Variants in RANBP3 observed in about 807,000 individuals in gnomAD.
RANBP3 encodes the protein ran-binding protein 3.
Under a neutral mutation model 77.3 loss-of-function variants are expected in RANBP3, and 14 were observed. The observed-to-expected ratio is 0.18, with a 90% confidence interval of 0.12 to 0.28. The LOEUF (loss-of-function observed/expected upper bound fraction) is 0.28, where lower values mean the gene tolerates loss of function less well. Ranked by LOEUF, RANBP3 falls within the 10% of genes least tolerant of loss-of-function variation. The pLI is 1.00. For missense variants in RANBP3, 586 were observed against 752.3 expected (o/e 0.78, Z 2.59); for synonymous variants, 315 against 312.4 (o/e 1.01, Z -0.09).
intron 5 of RANBP3, among the ~76,000 whole-genome samples, 194 bp downstream of exon 5, chr19:5,941,427 T>G (rs991793282): frequency 6.6e-6 from 1 of 152,142 alleles, no homozygotes; most frequent in South Asian, 2.1e-4. Context: ...TCAGTGTCAC[T>G]GATTCGAGAC....
chr19:5,957,831 T>C, intron 2 of RANBP3, 87 bp downstream of exon 2: 2 of 1,459,320 alleles, frequency 1.4e-6, no homozygotes, highest in Non-Finnish European at 1.9e-6. Context: ...GAAGTGGCCT[T>C]GGCAATGCGA....
At chr19:5,949,142 T>A (rs754400851) in intron 3 of RANBP3, among the ~76,000 whole-genome samples, 1 of 152,160 alleles carries the variant, frequency 6.6e-6, no homozygotes, top group South Asian at 2.1e-4. Context: ...ACAGACTAGA[T>A]GTGACGGATG....
chr19:5,926,170 G>C (rs2057906697), intron 9 of RANBP3, among the ~76,000 whole-genome samples: 1 of 152,122 alleles, frequency 6.6e-6, no homozygotes, highest in Non-Finnish European at 1.5e-5. Flanking sequence ...TGCACGATCT[G>C]CTTTAATCCT....
chr19:5,977,595 G>C (rs966386804), intron 1 of RANBP3, among the ~76,000 whole-genome samples: 1 of 152,040 alleles, frequency 6.6e-6, no homozygotes, highest in Non-Finnish European at 1.5e-5. Flanking sequence ...CGCGGAGGAC[G>C]AGGGCCTCAC....
intron 1 of RANBP3, among the ~76,000 whole-genome samples, chr19:5,976,101 C>A (rs554389480): frequency 6.6e-6 from 1 of 152,114 alleles, no homozygotes; most frequent in South Asian, 2.1e-4. Flanking sequence ...ATTTGCTGTG[C>A]AGTATGAGAA....
chr19:5,949,859 G>A (rs957837881), intron 3 of RANBP3, among the ~76,000 whole-genome samples: 7 of 152,280 alleles, frequency 4.6e-5, no homozygotes, highest in African/African-American at 1.4e-4. Context: ...ACAGAACAGC[G>A]CGTGTGCTCT....
intron 5 of RANBP3, chr19:5,934,401 G>C (rs765669269): frequency 6.6e-6 from 1 of 152,238 alleles, no homozygotes; most frequent in Non-Finnish European, 1.5e-5. Flanking sequence ...CAGGACACAA[G>C]ATCAATATAC....
At chr19:5,936,801 G>A (rs1384750632) in intron 5 of RANBP3, among the ~76,000 whole-genome samples, 1 of 152,042 alleles carries the variant, frequency 6.6e-6, no homozygotes, top group Non-Finnish European at 1.5e-5. Flanking sequence ...ACAGAAGCTC[G>A]CCTGTCTATG....
chr19:5,949,823 G>A (rs947622602), intron 3 of RANBP3, among the ~76,000 whole-genome samples: 2 of 152,268 alleles, frequency 1.3e-5, no homozygotes, highest in South Asian at 2.1e-4. Context: ...ACTCCAACAT[G>A]GGCCTCTGTG....
chr19:5,942,566 C>A (rs1298266207), intron 3 of RANBP3, among the ~76,000 whole-genome samples: 1 of 151,924 alleles, frequency 6.6e-6, no homozygotes, highest in Admixed American at 6.5e-5. Flanking sequence ...AGTAGCTGGG[C>A]GTGGTGGTGC....
chr19:5,953,440 G>A (rs1905274457), intron 2 of RANBP3, among the ~76,000 whole-genome samples: 2 of 152,128 alleles, frequency 1.3e-5, no homozygotes, highest in Admixed American at 6.5e-5. Context: ...AGCCTCAAAA[G>A]CAGGTCTAAA....
At chr19:5,971,787 G>T (rs1275996815) in intron 1 of RANBP3, among the ~76,000 whole-genome samples, 1 of 152,204 alleles carries the variant, frequency 6.6e-6, no homozygotes, top group Non-Finnish European at 1.5e-5. Flanking sequence ...TGTAGAGAAT[G>T]CAGAGTCTAG....
intron 10 of RANBP3, 150 bp downstream of exon 10, chr19:5,925,484 C>T (rs1170767460): frequency 1.8e-5 from 12 of 678,934 alleles, no homozygotes; most frequent in African/African-American, 1.1e-4. Context: ...AAGGTTGTGC[C>T]CAGAGTGGGG....
rs924688110 is a variant in RANBP3, at chr19:5,955,232, G to A, written c.78+2686C>T. On this transcript the variant is annotated intron_variant, in intron 2 of 16. Transcript: ENST00000340578. ...CTGTAACCTCCAGTCCCGGGTTCAA[G>A]CGATTCTCCTGCCTCAGCCTCCTGA... Among the ~76,000 whole-genome samples, 4 of 152,182 alleles carry A rather than the reference G, an allele frequency of 2.6e-5. No individual in the cohort carries two copies. The South Asian group carries it at 6.2e-4, about 24-fold the overall frequency.
chr19:5,923,100 C>T (rs971312339), intron 13 of RANBP3, 94 bp downstream of exon 13: 11 of 992,930 alleles, frequency 1.1e-5, no homozygotes, highest in South Asian at 1.4e-5. Flanking sequence ...CAGGGGCAGG[C>T]CTGTGTGCTC....
At chr19:5,961,998 AG>A (rs1274867770) in intron 1 of RANBP3, among the ~76,000 whole-genome samples, 3 of 151,922 alleles carry the variant, frequency 2.0e-5, no homozygotes, top group Non-Finnish European at 1.5e-5. Flanking sequence ...CATCTCCTTC[AG>A]GAAGCTCCCA....
intron 9 of RANBP3, 68 bp from the exon 10 acceptor site, chr19:5,925,805 CT>C: frequency 7.7e-7 from 1 of 1,302,326 alleles, no homozygotes; most frequent in Non-Finnish European, 1.1e-6. Flanking sequence ...AGCTCAGTGT[CT>C]GCAGACCCCC....
chr19:5,948,798 T>C (rs944887400), intron 3 of RANBP3, among the ~76,000 whole-genome samples: 4 of 152,096 alleles, frequency 2.6e-5, no homozygotes, highest in Admixed American at 6.5e-5. Flanking sequence ...GTGGGTCTAA[T>C]AAACATATCT....
chr19:5,964,504 C>A (rs1474408252), intron 1 of RANBP3, among the ~76,000 whole-genome samples: 1 of 152,186 alleles, frequency 6.6e-6, no homozygotes, highest in Non-Finnish European at 1.5e-5. Flanking sequence ...TCTGGAGACA[C>A]GTCCCTGTCT....
Sources: gnomAD v4.1 joint callset for allele counts (sites outside exome capture counted in the v4.1 genomes callset) on GRCh38, gnomAD v4.1.1 for gene constraint, MANE v1.5 for transcripts, NCBI Gene and HGNC (gene_info 2026-07-23, HGNC 2026-07-21) for gene names.